Variants in MAP1B observed in about 807,000 individuals in gnomAD.
MAP1B encodes microtubule-associated protein 1B.
In MAP1B, 12 loss-of-function variants were observed where a neutral mutation model predicts 176.1. The observed-to-expected ratio is 0.07, with a 90% confidence interval of 0.04 to 0.11. The LOEUF (loss-of-function observed/expected upper bound fraction) is 0.11, where lower values mean the gene tolerates loss of function less well. Among genes scored for constraint, MAP1B ranks in the 10% least tolerant of loss-of-function variants. The probability of loss-of-function intolerance (pLI) is 1.00; values close to 1 mark genes in which losing one functional copy is unlikely to be tolerated. For synonymous variants in MAP1B, 1,044 were observed against 1,135.0 expected, an observed-to-expected ratio of 0.92 and a Z score of 1.61; for missense variants, 2,523 against 2,990.5, an observed-to-expected ratio of 0.84 and a Z score of 3.65.
At position 72,196,027 on chromosome 5, in the gene MAP1B, C is replaced by A. The variant is rs772315041; in HGVS notation, c.2672C>A (p.Ser891Tyr). 2 of 1,614,174 alleles carry A rather than the reference C, an allele frequency of 1.2e-6. No individual in the cohort carries two copies. Among genetic ancestry groups the A allele is most frequent in the Non-Finnish European group, 1.7e-6 (2 of 1,180,038 alleles). The change falls in exon 5 of 7, where the codon TCC becomes TAC. Residue 891 changes from serine to tyrosine, a missense_variant. By Grantham distance (144) the Ser-to-Tyr change is moderately radical. Transcript: ENST00000296755. The surrounding 1 kb of genome is among the most constrained non-coding windows in gnomAD (Gnocchi z 5.3). ...EREVTKGPAE[S>Y]PDEGITTTEG... is the part of the protein sequence containing the mutation. ...GAAGTCACCAAAGGTCCTGCCGAGTCCCCTGATGAGGGAATCACTACCACT... is the reference window on the plus strand; with the variant it reads ...GAAGTCACCAAAGGTCCTGCCGAGTACCCTGATGAGGGAATCACTACCACT...
At chr5:72,115,489 A>C (rs950129662) in intron 1 of MAP1B, among the ~76,000 whole-genome samples, 6 of 152,174 alleles carry the variant, frequency 3.9e-5, no homozygotes, top group Admixed American at 1.3e-4. Context: ...CTCAGTCCAC[A>C]CTGCTAATTA....
intron 2 of MAP1B, among the ~76,000 whole-genome samples, chr5:72,168,792 G>A (rs1746481657): frequency 6.6e-6 from 1 of 152,200 alleles, no homozygotes; most frequent in Non-Finnish European, 1.5e-5. Context: ...GGAGAGCTAC[G>A]TCTGTTGGTT....
chr5:72,200,212 G>C lies in MAP1B; in HGVS notation c.6857G>C (p.Arg2286Thr), dbSNP rs772060566. 3.1e-5 allele frequency: 50 copies of C among 1,614,106 alleles called. No individual in the cohort carries two copies. The South Asian group carries it at 5.4e-4, about 17-fold the overall frequency. ...AAAGAATCCTCGGATAAAGTGTCCA[G>C]GGTGGCTTCTCCTAAGAAGAAAGAA... Reference protein sequence around the residue: ...GLKESSDKVSRVASPKKKESV... With the variant: ...GLKESSDKVSTVASPKKKESV... The change falls in exon 5 of 7, where the codon AGG becomes ACG. Residue 2286 changes from arginine to threonine, a missense_variant. Arg to Thr is a moderately conservative substitution (Grantham distance 71). Around this residue, in one of 4 missense-constraint regions of MAP1B, gnomAD observed 287 missense variants for 401.5 expected, o/e 0.71. Coordinates refer to ENST00000296755, the MANE Select transcript of MAP1B (RefSeq NM_005909.5).
intron 2 of MAP1B, among the ~76,000 whole-genome samples, chr5:72,168,508 A>G (rs567569584): frequency 6.6e-6 from 1 of 152,376 alleles, no homozygotes; most frequent in South Asian, 2.1e-4. Flanking sequence ...TACATAAAAA[A>G]TACCCAATGG....
Position 72,194,331 on chromosome 5 carries a change from C to A in MAP1B, c.976C>A (p.Arg326=), listed in dbSNP as rs200457818. Residue 326 remains arginine, a synonymous_variant, in exon 5 of 7, where the codon CGG becomes AGG. Coordinates refer to ENST00000296755, the MANE Select transcript of MAP1B (RefSeq NM_005909.5). This position sits in a 1 kb window ranked among gnomAD's most constrained non-coding sequence, Gnocchi z 7.2. The part of the protein sequence containing the change: ...NLPGINSMLQ[R]KIAELEEEQS... ...GCCTGGAATAAACAGCATGTTACAGCGGAAAATTGCAGAGCTCGAGGAAGA... is the reference window on the plus strand; with the variant it reads ...GCCTGGAATAAACAGCATGTTACAGAGGAAAATTGCAGAGCTCGAGGAAGA... 6.2e-7 allele frequency: 1 copy of A among 1,614,044 alleles called. No homozygotes were observed. Among genetic ancestry groups the A allele is most frequent in the African/African-American group, 1.3e-5 (1 of 74,902 alleles).
intron 2 of MAP1B, among the ~76,000 whole-genome samples, chr5:72,123,696 G>A (rs987840216): frequency 6.6e-6 from 1 of 152,162 alleles, no homozygotes; most frequent in Admixed American, 6.5e-5. Flanking sequence ...GTGTTAGCCA[G>A]GATGGTCTCG....
intron 2 of MAP1B, among the ~76,000 whole-genome samples, chr5:72,160,742 TG>T (rs897227347): frequency 2.0e-4 from 30 of 152,264 alleles, no homozygotes; most frequent in African/African-American, 6.7e-4. Flanking sequence ...GGGCAAACAG[TG>T]GGGCTCCCAC....
chr5:72,116,256 T>A (rs2112121422), intron 2 of MAP1B, among the ~76,000 whole-genome samples: 1 of 152,322 alleles, frequency 6.6e-6, no homozygotes, highest in South Asian at 2.1e-4. Flanking sequence ...CCCAGAACTG[T>A]CTTCCTGCAA....
At chr5:72,121,937 C>T (rs1267980906) in intron 2 of MAP1B, among the ~76,000 whole-genome samples, 2 of 152,180 alleles carry the variant, frequency 1.3e-5, no homozygotes, top group Non-Finnish European at 2.9e-5. Context: ...GAGGGACAGC[C>T]GATTCTTTAT....
intron 2 of MAP1B, among the ~76,000 whole-genome samples, chr5:72,165,499 G>A (rs1334593695): frequency 6.6e-6 from 1 of 152,156 alleles, no homozygotes; most frequent in Non-Finnish European, 1.5e-5. Flanking sequence ...GGGATTCAAT[G>A]GTCCGAAGGA....
At chr5:72,153,860 A>G (rs1746185243) in intron 2 of MAP1B, among the ~76,000 whole-genome samples, 1 of 152,110 alleles carries the variant, frequency 6.6e-6, no homozygotes, top group African/African-American at 2.4e-5. Flanking sequence ...GCACAAAGAC[A>G]TTCCCCCCAA....
At chr5:72,160,243 A>G (rs1314683095) in intron 2 of MAP1B, among the ~76,000 whole-genome samples, 1 of 151,794 alleles carries the variant, frequency 6.6e-6, no homozygotes, top group Non-Finnish European at 1.5e-5. Context: ...ATCCAAACCA[A>G]AAAAACTTTC....
intron 1 of MAP1B, among the ~76,000 whole-genome samples, chr5:72,115,127 A>C (rs866489569): frequency 2.6e-5 from 4 of 152,148 alleles, no homozygotes; most frequent in African/African-American, 9.7e-5. Flanking sequence ...AGATCACATA[A>C]ATCTTGGATT....
At chr5:72,150,695 C>T (rs911689081) in intron 2 of MAP1B, among the ~76,000 whole-genome samples, 2 of 152,160 alleles carry the variant, frequency 1.3e-5, no homozygotes, top group South Asian at 2.1e-4. Flanking sequence ...TTGTTCCCCT[C>T]GATGTGTCCA....
In MAP1B at chr5:72,111,816, A is replaced by G. The variant is rs180896773; in HGVS notation, c.185-3882A>G. 1.4e-3 allele frequency among the ~76,000 whole-genome samples: 206 copies of G among 152,270 alleles called. 1 individual carries two copies. Among genetic ancestry groups the G allele is most frequent in the African/African-American group, 4.7e-3 (194 of 41,558 alleles). On this transcript the variant is annotated intron_variant, in intron 1 of 6. Coordinates refer to ENST00000296755, the MANE Select transcript of MAP1B (RefSeq NM_005909.5). ...TTTTAGACAAGCAAATAATTATGTC[A>G]CTTCTCATTTGCTTGTGTTGTAAGA...
At position 72,199,197 on chromosome 5, in the gene MAP1B, C is replaced by T. The variant is rs151255965; in HGVS notation, c.5842C>T (p.Arg1948Trp). ...YSYEIIEKTT[R>W]TPEEGGYSYD... is the part of the protein sequence containing the mutation. The stretch of plus-strand genomic sequence containing the variant: ...CTATGAAATTATTGAGAAGACCACA[C>T]GGACCCCTGAAGAGGGTGGGTACTC... The change falls in exon 5 of 7, where the codon CGG (arginine) becomes TGG (tryptophan). Residue 1948 changes from arginine to tryptophan, a missense_variant. Around this residue, in one of 4 missense-constraint regions of MAP1B, gnomAD observed 1,925 missense variants for 2,126.0 expected, o/e 0.91. Transcript: ENST00000296755. The surrounding 1 kb of genome is among the most constrained non-coding windows in gnomAD (Gnocchi z 4.2). The T allele has an allele frequency of 4.0e-5, 65 of 1,613,974 alleles. No homozygotes were observed. The South Asian group carries it at 5.6e-4, about 14-fold the overall frequency.
At chr5:72,165,901 C>A (rs555969790) in intron 2 of MAP1B, among the ~76,000 whole-genome samples, 1 of 152,224 alleles carries the variant, frequency 6.6e-6, no homozygotes, top group South Asian at 2.1e-4. Flanking sequence ...ACTGTAGAAC[C>A]AGATAGACTA....
intron 2 of MAP1B, among the ~76,000 whole-genome samples, chr5:72,175,947 C>G (rs892759150): frequency 6.6e-6 from 1 of 152,196 alleles, no homozygotes; most frequent in Non-Finnish European, 1.5e-5. Context: ...TGCGAAGTCT[C>G]CTGAACTTGA....
chr5:72,166,181 C>T (rs1021504413), intron 2 of MAP1B, among the ~76,000 whole-genome samples: 5 of 152,178 alleles, frequency 3.3e-5, no homozygotes, highest in Non-Finnish European at 2.9e-5. Flanking sequence ...CAAGGTATAT[C>T]CCAGCACTTT....
Sources: gnomAD v4.1 joint callset for allele counts (sites outside exome capture counted in the v4.1 genomes callset) on GRCh38, gnomAD v4.1.1 for gene constraint, gnomAD v4.1.1 regional missense constraint, Gnocchi (gnomAD v3.1) non-coding constraint, MANE v1.5 for transcripts, NCBI Gene and HGNC (gene_info 2026-07-23, HGNC 2026-07-21) for gene names.